PCDH15: variants seen among roughly 807,000 people sequenced by gnomAD.
The protein encoded by PCDH15 is protocadherin related 15.
A neutral mutation model predicts 178.5 loss-of-function variants in PCDH15; 129 were observed. That is an observed-to-expected ratio of 0.72 (90% confidence interval 0.63 to 0.84). The LOEUF (loss-of-function observed/expected upper bound fraction) is 0.84, where lower values mean the gene tolerates loss of function less well. PCDH15 is among the 40% of genes least tolerant of loss of function. PCDH15 has a pLI of 0.00. For synonymous variants in PCDH15, 800 were observed against 732.0 expected (o/e 1.09, Z -1.50); for missense variants, 2,230 against 2,099.9 (o/e 1.06, Z -1.21).
chr10:54,808,579 C>A (rs1411334563), intron 3 of PCDH15, among the ~76,000 whole-genome samples: 1 of 152,136 alleles, frequency 6.6e-6, no homozygotes, highest in Admixed American at 6.5e-5. Flanking sequence ...AAATCTGGAT[C>A]CTAAAGAATA....
chr10:54,609,711 T>C (rs569327170), intron 2 of PCDH15, among the ~76,000 whole-genome samples: 1 of 152,132 alleles, frequency 6.6e-6, no homozygotes, highest in African/African-American at 2.4e-5. Flanking sequence ...CATAGTTATA[T>C]GTACTGGTGT....
chr10:54,163,114 C>A (rs1231115035), intron 13 of PCDH15, among the ~76,000 whole-genome samples: 1 of 152,078 alleles, frequency 6.6e-6, no homozygotes, highest in Non-Finnish European at 1.5e-5. Flanking sequence ...GGTTGAACTT[C>A]ACCTAGAAGT....
At chr10:54,307,771 GC>G (rs1564924925) in intron 8 of PCDH15, among the ~76,000 whole-genome samples, 1 of 151,964 alleles carries the variant, frequency 6.6e-6, no homozygotes, top group Non-Finnish European at 1.5e-5. Context: ...TAGAAGTAGT[GC>G]AATCAGAATA....
chr10:55,556,545 A>T (rs1842094480), intron 2 of PCDH15, among the ~76,000 whole-genome samples: 1 of 152,066 alleles, frequency 6.6e-6, no homozygotes, highest in African/African-American at 2.4e-5. Context: ...AGTTATTTAC[A>T]TTGGGCCAGG....
chr10:55,437,653 CAAACTAAATAT>C (rs1344913980), intron 2 of PCDH15, among the ~76,000 whole-genome samples: 1 of 151,962 alleles, frequency 6.6e-6, no homozygotes, highest in East Asian at 1.9e-4. Context: ...CCAAAAAAAT[CAAACTAAATAT>C]GCCATCTAAC....
intron 2 of PCDH15, among the ~76,000 whole-genome samples, chr10:55,040,474 C>CA (rs897840990): frequency 3.0e-4 from 43 of 143,444 alleles, no homozygotes; most frequent in African/African-American, 7.3e-4. Flanking sequence ...TAACATGAAT[C>CA]AAAAAAAAAC....
chr10:55,515,484 C>T (rs1840990842), intron 2 of PCDH15, among the ~76,000 whole-genome samples: 1 of 151,750 alleles, frequency 6.6e-6, no homozygotes. Context: ...GATTTTTTCC[C>T]ACTATTGTTT....
intron 25 of PCDH15, among the ~76,000 whole-genome samples, chr10:53,925,640 C>T (rs1191989918): frequency 6.6e-6 from 1 of 152,206 alleles, no homozygotes; most frequent in Non-Finnish European, 1.5e-5. Flanking sequence ...GACAGGGAAT[C>T]TCCTATCATT....
intron 26 of PCDH15, among the ~76,000 whole-genome samples, chr10:53,886,220 T>G (rs1198376419): frequency 6.6e-6 from 1 of 152,186 alleles, no homozygotes; most frequent in Non-Finnish European, 1.5e-5. Flanking sequence ...GTGCATTTTC[T>G]CATTTATATT....
intron 1 of PCDH15, among the ~76,000 whole-genome samples, chr10:55,213,847 T>C (rs957632552): frequency 2.6e-5 from 4 of 151,884 alleles, no homozygotes; most frequent in South Asian, 4.1e-4. Flanking sequence ...ATTTTGTTTT[T>C]CCTTTATAAT....
chr10:54,242,130 TTATATA>T (rs57729172), intron 8 of PCDH15, among the ~76,000 whole-genome samples: 2,212 of 31,164 alleles, frequency 0.071, 97 homozygotes, highest in Non-Finnish European at 0.086. Flanking sequence ...AATTCTATTT[TTATATA>T]TATATATATA....
chr10:55,509,795 T>C (rs1353467562), intron 2 of PCDH15, among the ~76,000 whole-genome samples: 1 of 151,916 alleles, frequency 6.6e-6, no homozygotes, highest in Non-Finnish European at 1.5e-5. Flanking sequence ...AAGTTATACG[T>C]CAGCAACAAA....
intron 2 of PCDH15, among the ~76,000 whole-genome samples, chr10:55,111,807 C>T (rs1003074421): frequency 3.9e-5 from 6 of 152,132 alleles, no homozygotes; most frequent in Non-Finnish European, 5.9e-5. Context: ...CATGCCATTG[C>T]ACTACATTGC....
At chr10:54,251,862 A>C (rs1294082847) in intron 8 of PCDH15, among the ~76,000 whole-genome samples, 1 of 152,160 alleles carries the variant, frequency 6.6e-6, no homozygotes, top group Non-Finnish European at 1.5e-5. Flanking sequence ...TTAACTTTCA[A>C]TATCATCCTA....
chr10:55,509,732 G>A (rs918772911), intron 2 of PCDH15, among the ~76,000 whole-genome samples: 2 of 151,708 alleles, frequency 1.3e-5, no homozygotes, highest in African/African-American at 4.8e-5. Context: ...AAGGACTTTG[G>A]CAGCAATCTA....
intron 2 of PCDH15, among the ~76,000 whole-genome samples, chr10:55,520,523 G>A (rs34098033): frequency 0.013 from 1,950 of 145,424 alleles, 20 homozygotes; most frequent in Non-Finnish European, 0.021. Context: ...GTGTGTGTGT[G>A]TATATATATA....
At chr10:54,059,641 T>A (rs1471631921) in intron 18 of PCDH15, among the ~76,000 whole-genome samples, 1 of 152,210 alleles carries the variant, frequency 6.6e-6, no homozygotes, top group Non-Finnish European at 1.5e-5. Context: ...GTATAGAGTA[T>A]AGCAGTCTGC....
At chr10:54,677,489 G>A (rs1460429986) in intron 1 of PCDH15, among the ~76,000 whole-genome samples, 9 of 152,046 alleles carry the variant, frequency 5.9e-5, no homozygotes, top group African/African-American at 9.7e-5. Flanking sequence ...GTGTGTGTGC[G>A]TGCGTGTCAG....
At chr10:54,712,691 A>T (rs372057541) in intron 1 of PCDH15, among the ~76,000 whole-genome samples, 3 of 152,116 alleles carry the variant, frequency 2.0e-5, no homozygotes, top group African/African-American at 7.2e-5. Flanking sequence ...ATAACATTCT[A>T]AACTAGAATT....
Sources: allele counts gnomAD v4.1 joint callset (sites outside exome capture counted in the v4.1 genomes callset), GRCh38; gene constraint gnomAD v4.1.1; transcripts MANE v1.5; gene names NCBI Gene and HGNC (gene_info 2026-07-23, HGNC 2026-07-21).